Variants in TTC6 observed in about 807,000 individuals in gnomAD.
The protein encoded by TTC6 is tetratricopeptide repeat domain 6.
In TTC6, 172 loss-of-function variants were observed where a neutral mutation model predicts 210.4. That is an observed-to-expected ratio of 0.82 (90% CI 0.72 to 0.93). TTC6 has a LOEUF of 0.93. Ranked by LOEUF, TTC6 falls within the 40% of genes least tolerant of loss-of-function variation. The pLI is 0.00. For synonymous variants in TTC6, 804 were observed against 819.6 expected (o/e 0.98, Z 0.32); for missense variants, 2,414 against 2,318.1 (o/e 1.04, Z -0.85).
At position 37,664,542 on chromosome 14, in the gene TTC6, A is replaced by G. The variant is rs115750464; in HGVS notation, c.940-15609A>G. On this transcript the variant is annotated intron_variant, in intron 1 of 30. Transcript: ENST00000553443. ...ACTTAAATGTAAAACCCCAAACTAC[A>G]AAGACCCTAGAAGAAAATCTAGGCA... 2.2e-3 allele frequency among the ~76,000 whole-genome samples: 333 copies of G among 150,872 alleles called. 7 individuals are homozygous for G. The highest frequency in any genetic ancestry group is 5.4e-3 in the African/African-American group (224 of 41,454).
chr14:37,727,297 T>TA (rs2095875024), intron 7 of TTC6, among the ~76,000 whole-genome samples: 1 of 141,848 alleles, frequency 7.0e-6, no homozygotes, highest in Admixed American at 7.1e-5. Flanking sequence ...TCTAATTTTT[T>TA]TTTTTTTTTT....
At chr14:37,833,475 C>G (rs1489998526) in intron 29 of TTC6, among the ~76,000 whole-genome samples, 1 of 152,074 alleles carries the variant, frequency 6.6e-6, no homozygotes, top group Non-Finnish European at 1.5e-5. Context: ...TCTCTTAACT[C>G]TCAGTCATGT....
intron 1 of TTC6, among the ~76,000 whole-genome samples, chr14:37,627,021 C>G (rs1194055742): frequency 2.6e-5 from 4 of 152,148 alleles, no homozygotes; most frequent in African/African-American, 9.7e-5. Flanking sequence ...GGTGGGATCC[C>G]TCATGGCTTG....
intron 2 of TTC6, among the ~76,000 whole-genome samples, chr14:37,609,377 C>T (rs1168463366): frequency 6.6e-6 from 1 of 152,174 alleles, no homozygotes; most frequent in African/African-American, 2.4e-5. Context: ...GTTTGCCCCA[C>T]TGCCCACCAG....
intron 1 of TTC6, among the ~76,000 whole-genome samples, chr14:37,644,439 A>G (rs1301761931): frequency 1.3e-5 from 2 of 152,132 alleles, no homozygotes; most frequent in African/African-American, 4.8e-5. Context: ...TACACAAGAA[A>G]TGCATGTGTC....
At chr14:37,782,165 A>C (rs1027664902) in intron 14 of TTC6, among the ~76,000 whole-genome samples, 1 of 152,154 alleles carries the variant, frequency 6.6e-6, no homozygotes, top group Admixed American at 6.5e-5. Context: ...TCTTTGAAGA[A>C]AGTCATTGGT....
intron 14 of TTC6, among the ~76,000 whole-genome samples, chr14:37,772,737 A>G (rs1259631499): frequency 1.3e-5 from 2 of 152,126 alleles, no homozygotes; most frequent in African/African-American, 4.8e-5. Context: ...CCGGTACCTC[A>G]GATGGAAATG....
At chr14:37,654,779 A>T (rs1243057699) in intron 1 of TTC6, among the ~76,000 whole-genome samples, 1 of 152,176 alleles carries the variant, frequency 6.6e-6, no homozygotes, top group Non-Finnish European at 1.5e-5. Context: ...AATTTAAGAG[A>T]AAATATATAG....
intron 20 of TTC6, among the ~76,000 whole-genome samples, chr14:37,804,307 T>C (rs1183705633): frequency 4.0e-5 from 6 of 151,874 alleles, no homozygotes; most frequent in Non-Finnish European, 8.8e-5. Context: ...AGCTTCCCAG[T>C]ATTCCATTCA....
chr14:37,807,516 T>C (rs2096121246), intron 23 of TTC6, 56 bp downstream of exon 25: 3 of 1,399,440 alleles, frequency 2.1e-6, no homozygotes, highest in African/African-American at 1.4e-5. Context: ...GATTCTCTTA[T>C]GCTAGGCAGG....
At chr14:37,837,742 A>T (rs533410187) in intron 29 of TTC6, among the ~76,000 whole-genome samples, 6 of 152,320 alleles carry the variant, frequency 3.9e-5, no homozygotes, top group African/African-American at 1.4e-4. Flanking sequence ...ATAGAGTTTT[A>T]GTAACTCACC....
intron 1 of TTC6, among the ~76,000 whole-genome samples, chr14:37,651,439 TTTTTTTTTTTTTTTCC>T (rs1292997532): frequency 9.8e-4 from 93 of 94,440 alleles, no homozygotes; most frequent in African/African-American, 4.4e-3. Context: ...TTTTTTTTTT[TTTTTTTTTTTTTTTCC>T]ATCCATGATT....
intron 14 of TTC6, among the ~76,000 whole-genome samples, chr14:37,757,780 G>C (rs940681554): frequency 1.3e-5 from 2 of 151,980 alleles, no homozygotes; most frequent in African/African-American, 4.8e-5. Flanking sequence ...TGATATTAGG[G>C]TGTCGATTTT....
intron 1 of TTC6, among the ~76,000 whole-genome samples, chr14:37,642,844 A>C (rs557319606): frequency 5.3e-5 from 8 of 152,362 alleles, no homozygotes; most frequent in Admixed American, 2.0e-4. Flanking sequence ...CCCAACTGTA[A>C]CATAATAGAA....
chr14:37,684,655 A>G (rs1270531618), intron 3 of TTC6, among the ~76,000 whole-genome samples: 1 of 152,218 alleles, frequency 6.6e-6, no homozygotes, highest in East Asian at 1.9e-4. Context: ...GCACTGAACT[A>G]TTCCCACCAA....
intron 2 of TTC6, among the ~76,000 whole-genome samples, chr14:37,608,956 T>C (rs1400589044): frequency 6.6e-6 from 1 of 152,202 alleles, no homozygotes; most frequent in Non-Finnish European, 1.5e-5. Context: ...ACTTGAATGA[T>C]TTTATGCTGC....
chr14:37,774,414 G>A (rs943447162), intron 14 of TTC6, among the ~76,000 whole-genome samples: 3 of 151,996 alleles, frequency 2.0e-5, no homozygotes, highest in African/African-American at 7.2e-5. Context: ...AATGGCTCTT[G>A]TTATTTTTAA....
chr14:37,596,199 C>G (rs997936933), intron 1 of TTC6, 191 bp downstream of exon 1: 3 of 152,420 alleles, frequency 2.0e-5, no homozygotes, highest in Non-Finnish European at 2.9e-5. Context: ...CTCCCGCCCC[C>G]CTTCAGCCGC....
At chr14:37,834,546 T>C (rs1207203668) in intron 29 of TTC6, among the ~76,000 whole-genome samples, 1 of 152,172 alleles carries the variant, frequency 6.6e-6, no homozygotes, top group Non-Finnish European at 1.5e-5. Context: ...TCTTATGATA[T>C]CTATCTTTGT....
Sources: gnomAD v4.1 joint callset for allele counts (sites outside exome capture counted in the v4.1 genomes callset) on GRCh38, gnomAD v4.1.1 for gene constraint, MANE v1.5 for transcripts, NCBI Gene and HGNC (gene_info 2026-07-23, HGNC 2026-07-21) for gene names.